The following SLC9A2 variants were observed in gnomAD, a reference collection of about 807,000 sequenced individuals.
SLC9A2 encodes the protein solute carrier family 9 member A2, also known as sodium/hydrogen exchanger 2.
A neutral mutation model predicts 71.7 loss-of-function variants in SLC9A2; 42 were observed. That is an observed-to-expected ratio of 0.59 (90% confidence interval 0.46 to 0.76). SLC9A2 has a LOEUF of 0.76. Among genes scored for constraint, SLC9A2 ranks in the 30% least tolerant of loss-of-function variants. The pLI is 0.00. For synonymous variants in SLC9A2, 396 were observed against 392.5 expected (o/e 1.01, Z -0.10); for missense variants, 829 against 1,017.4 (o/e 0.81, Z 2.52).
At chr2:102,673,345 G>C (rs1210965451) in intron 3 of SLC9A2, among the ~76,000 whole-genome samples, 1 of 151,968 alleles carries the variant, frequency 6.6e-6, no homozygotes, top group Non-Finnish European at 1.5e-5. Context: ...TGCATTCTTA[G>C]AATATTTAGC....
intron 1 of SLC9A2, among the ~76,000 whole-genome samples, chr2:102,654,145 G>T (rs1476733448): frequency 6.7e-6 from 1 of 150,036 alleles, no homozygotes; most frequent in South Asian, 2.1e-4. Context: ...AGGAAAGGAA[G>T]TGATTGCATT....
At chr2:102,639,460 G>T (rs570348977) in intron 1 of SLC9A2, among the ~76,000 whole-genome samples, 2 of 152,248 alleles carry the variant, frequency 1.3e-5, no homozygotes, top group African/African-American at 4.8e-5. Flanking sequence ...CTGTATCAGG[G>T]GATCAATCAG....
chr2:102,695,146 T>C, intron 7 of SLC9A2, 33 bp downstream of exon 7: 1 of 1,459,036 alleles, frequency 6.9e-7, no homozygotes, highest in Non-Finnish European at 9.6e-7. Flanking sequence ...GGTTATGAAG[T>C]GGCCCAGGGT....
Position 102,657,684 on chromosome 2 carries a change from A to G in SLC9A2, c.410A>G (p.Lys137Arg), listed in dbSNP as rs1676969537. ...GATGAGAAGTCTCCCCCTGCAATGA[A>G]GACTGATGTATTTTTCTTGTACCTC... ...GVDEKSPPAM[K>R]TDVFFLYLLP... Residue 137 changes from lysine (K) to arginine (R), a missense_variant, in exon 2 of 12, where the codon AAG becomes AGG. Coordinates refer to ENST00000233969, the MANE Select transcript of SLC9A2 (RefSeq NM_003048.6). The G allele has an allele frequency of 1.9e-6, 3 of 1,614,120 alleles. No individual in the cohort carries two copies. The highest frequency in any genetic ancestry group is 2.5e-6 in the Non-Finnish European group (3 of 1,180,022).
At chr2:102,644,280 T>C (rs1369071135) in intron 1 of SLC9A2, among the ~76,000 whole-genome samples, 3 of 152,150 alleles carry the variant, frequency 2.0e-5, no homozygotes, top group Admixed American at 2.0e-4. Flanking sequence ...CTGTGCATTC[T>C]GGCCCAGATA....
chr2:102,684,431 A>C, intron 5 of SLC9A2, 95 bp downstream of exon 5: 1 of 1,129,014 alleles, frequency 8.9e-7, no homozygotes, highest in South Asian at 1.3e-5. Flanking sequence ...GGTGTGTTGA[A>C]ACTTTGGTAG....
Position 102,701,186 on chromosome 2 carries a change from C to A in SLC9A2, c.1703C>A (p.Ala568Glu). Residue 568 changes from alanine (A) to glutamate (E), a missense_variant, in exon 8 of 12, where the codon GCA (alanine) becomes GAA (glutamate). Ala to Glu is a moderately radical substitution (Grantham distance 107, BLOSUM62 -1). This residue lies in a region of SLC9A2 where 500 missense variants were observed against 726.3 expected (regional missense o/e 0.69). Coordinates refer to ENST00000233969, the MANE Select transcript of SLC9A2 (RefSeq NM_003048.6). The stretch of plus-strand genomic sequence containing the variant: ...GAAATAAAACATGCCATTGAGATGG[C>A]AGAGACTGGGATGATAAGTACTGTC... ...KLEIKHAIEM[A>E]ETGMISTVPT... 6.2e-7 allele frequency: 1 copy of A among 1,610,730 alleles called. No individual in the cohort carries two copies. Among genetic ancestry groups the A allele is most frequent in the Non-Finnish European group, 8.5e-7 (1 of 1,178,748 alleles).
At chr2:102,691,877 T>G (rs557786869) in intron 5 of SLC9A2, among the ~76,000 whole-genome samples, 1 of 152,124 alleles carries the variant, frequency 6.6e-6, no homozygotes, top group Non-Finnish European at 1.5e-5. Context: ...CCTATCTTTA[T>G]GTCCTGTATT....
At chr2:102,681,097 A>G (rs1167462645) in intron 3 of SLC9A2, among the ~76,000 whole-genome samples, 5 of 152,232 alleles carry the variant, frequency 3.3e-5, no homozygotes, top group Non-Finnish European at 7.3e-5. Context: ...TATTTCTTAC[A>G]GCAGCCATAG....
intron 1 of SLC9A2, among the ~76,000 whole-genome samples, chr2:102,649,972 C>T (rs902452128): frequency 5.3e-5 from 8 of 152,150 alleles, no homozygotes; most frequent in African/African-American, 1.4e-4. Flanking sequence ...ACTGGGTATA[C>T]ACCCAAAGGA....
At chr2:102,642,440 T>A (rs1169106808) in intron 1 of SLC9A2, among the ~76,000 whole-genome samples, 2 of 152,250 alleles carry the variant, frequency 1.3e-5, no homozygotes, top group African/African-American at 4.8e-5. Flanking sequence ...TGTGGTTTTT[T>A]TTTTCTTTAG....
At chr2:102,631,162 A>G (rs1676346838) in intron 1 of SLC9A2, among the ~76,000 whole-genome samples, 1 of 152,120 alleles carries the variant, frequency 6.6e-6, no homozygotes, top group South Asian at 2.1e-4. Flanking sequence ...TACTATAGAT[A>G]TAGACTTAAT....
intron 3 of SLC9A2, among the ~76,000 whole-genome samples, chr2:102,671,718 C>T (rs1677254871): frequency 6.6e-6 from 1 of 152,216 alleles, no homozygotes; most frequent in African/African-American, 2.4e-5. Flanking sequence ...TAGGTTGTCA[C>T]TTCTTTCCTA....
intron 9 of SLC9A2, among the ~76,000 whole-genome samples, chr2:102,703,466 GT>G (rs1035661260): frequency 2.6e-5 from 4 of 152,120 alleles, no homozygotes; most frequent in Admixed American, 2.6e-4. Context: ...AAAGCCTCCA[GT>G]TTTTAAGGCT....
At chr2:102,662,113 C>T (rs1039573190) in intron 2 of SLC9A2, among the ~76,000 whole-genome samples, 1 of 152,184 alleles carries the variant, frequency 6.6e-6, no homozygotes, top group African/African-American at 2.4e-5. Context: ...ACTGCCGTGG[C>T]ATCTCAGGCA....
At chr2:102,660,911 G>A (rs1677036303) in intron 2 of SLC9A2, among the ~76,000 whole-genome samples, 2 of 152,194 alleles carry the variant, frequency 1.3e-5, no homozygotes, top group Non-Finnish European at 2.9e-5. Context: ...TCTCGAGGAT[G>A]GGTAACATGG....
chr2:102,651,283 C>T (rs751354828), intron 1 of SLC9A2, among the ~76,000 whole-genome samples: 11 of 152,182 alleles, frequency 7.2e-5, no homozygotes, highest in Admixed American at 2.6e-4. Flanking sequence ...TCATGACATT[C>T]CTCTGCTCAA....
chr2:102,697,686 C>T (rs1373900638), intron 7 of SLC9A2, among the ~76,000 whole-genome samples: 8 of 145,470 alleles, frequency 5.5e-5, no homozygotes, highest in African/African-American at 1.0e-4. Context: ...GAAGTGGGTG[C>T]GGGGGGATGT....
At chr2:102,662,045 T>C (rs547249238) in intron 2 of SLC9A2, among the ~76,000 whole-genome samples, 34 of 151,866 alleles carry the variant, frequency 2.2e-4, no homozygotes, top group African/African-American at 7.7e-4. Flanking sequence ...AGGTGGGAGG[T>C]TGTGGAAAGC....
Sources: gnomAD v4.1 joint callset for allele counts (sites outside exome capture counted in the v4.1 genomes callset) on GRCh38, gnomAD v4.1.1 for gene constraint, gnomAD v4.1.1 regional missense constraint, MANE v1.5 for transcripts, NCBI Gene and HGNC (gene_info 2026-07-23, HGNC 2026-07-21) for gene names.